Variants in CCDC85C observed in about 807,000 individuals in gnomAD.
CCDC85C encodes the protein coiled-coil domain containing 85C.
In CCDC85C, 18 loss-of-function variants were observed where a neutral mutation model predicts 38.3. The observed-to-expected ratio is 0.47, with a 90% confidence interval of 0.33 to 0.70. The LOEUF (loss-of-function observed/expected upper bound fraction) is 0.70. Ranked by LOEUF, CCDC85C falls within the 30% of genes least tolerant of loss-of-function variation. CCDC85C has a pLI of 0.03. For synonymous variants in CCDC85C, 264 were observed against 293.8 expected, an observed-to-expected ratio of 0.90 and a Z score of 1.04; for missense variants, 566 against 621.2, an observed-to-expected ratio of 0.91 and a Z score of 0.94.
At chr14:99,584,316 T>C (rs1208633093) in intron 1 of CCDC85C, among the ~76,000 whole-genome samples, 1 of 152,186 alleles carries the variant, frequency 6.6e-6, no homozygotes, top group African/African-American at 2.4e-5. Context: ...AGTGATTCTC[T>C]GTACCTCCAC....
Position 99,502,277 on chromosome 14 carries a change from C to T in CCDC85C, c.*12969G>A. ...AGTAGCAGTGATGTATCTCGCAGGA[C>T]GTTTGTGCAAATTTGAAATACAAGA... On this transcript the variant is annotated 3_prime_UTR_variant, in exon 6 of 6. Coordinates refer to ENST00000380243, the MANE Select transcript of CCDC85C (RefSeq NM_001144995.2). The T allele has an allele frequency of 6.2e-7, 1 of 1,610,138 alleles. No homozygotes were observed. The highest frequency in any genetic ancestry group is 1.1e-5 in the South Asian group (1 of 90,054).
At chr14:99,577,917 AGTGTGT>A (rs368902066) in intron 1 of CCDC85C, among the ~76,000 whole-genome samples, 45 of 117,122 alleles carry the variant, frequency 3.8e-4, no homozygotes, top group African/African-American at 9.3e-4. Context: ...ATCCCCCATC[AGTGTGT>A]GTGTGTGTGT....
At chr14:99,540,789 T>A (rs1013118069) in intron 1 of CCDC85C, among the ~76,000 whole-genome samples, 2 of 152,140 alleles carry the variant, frequency 1.3e-5, no homozygotes, top group Non-Finnish European at 2.9e-5. Context: ...TCTTCATGGA[T>A]CCCTTGCTCC....
rs1262586095 is a variant in CCDC85C at position 99,569,389 on chromosome 14, G to A, written c.794-33301C>T. Among the ~76,000 whole-genome samples, 2 of 152,146 alleles carry A rather than the reference G, an allele frequency of 1.3e-5. No individual in the cohort carries two copies. Among genetic ancestry groups the A allele is most frequent in the Non-Finnish European group, 2.9e-5 (2 of 68,020 alleles). ...CGGCTCCACCAGACAGTATTCCAAA[G>A]GGTTCCCTGGATGTCCACACCTGGG... On this transcript the variant is annotated intron_variant, in intron 1 of 5. Transcript: ENST00000380243. This position sits in a 1 kb window ranked among gnomAD's most constrained non-coding sequence, Gnocchi z 4.3.
intron 3 of CCDC85C, among the ~76,000 whole-genome samples, chr14:99,518,630 G>A (rs575438385): frequency 6.6e-6 from 1 of 152,310 alleles, no homozygotes; most frequent in African/African-American, 2.4e-5. Context: ...GGCCCTGGGA[G>A]ACCTGGGCAC....
chr14:99,539,702 G>A (rs1897673683), intron 1 of CCDC85C, among the ~76,000 whole-genome samples: 1 of 152,150 alleles, frequency 6.6e-6, no homozygotes, highest in South Asian at 2.1e-4. Flanking sequence ...AAATATCCAG[G>A]CATTGACGTG....
chr14:99,588,915 C>T lies in CCDC85C; in HGVS notation c.793+14252G>A, dbSNP rs2055054920. 6.6e-6 allele frequency among the ~76,000 whole-genome samples: 1 copy of T among 152,112 alleles called. No homozygotes were observed. The highest frequency in any genetic ancestry group is 2.4e-5 in the African/African-American group (1 of 41,406). On this transcript the variant is annotated intron_variant, in intron 1 of 5. Coordinates refer to ENST00000380243, the MANE Select transcript of CCDC85C (RefSeq NM_001144995.2). This position sits in a 1 kb window ranked among gnomAD's most constrained non-coding sequence, Gnocchi z 5.0. The stretch of plus-strand genomic sequence containing the variant: ...GTCTCCGAGCACCATGGATGTGAAC[C>T]AACTGCTTCACCTCATATGTGGGTA...
rs1412522062 is a variant in CCDC85C, at chr14:99,510,526, C to T, written c.*4720G>A. ...CCTCCTCCCCCAGCCTCCTTCCCCC[C>T]ACCTGCCATCCCACCCCCTACTCCT... On this transcript the variant is annotated 3_prime_UTR_variant, in exon 6 of 6. Coordinates refer to ENST00000380243, the MANE Select transcript of CCDC85C (RefSeq NM_001144995.2). 3 of 553,064 alleles carry T rather than the reference C, an allele frequency of 5.4e-6. No homozygotes were observed. The highest frequency in any genetic ancestry group is 3.0e-5 in the African/African-American group (1 of 33,160). 34.3% of individuals were successfully genotyped at this position (553,064 alleles called of 1,614,324 possible).
At chr14:99,602,766 G>T (rs1361747531) in intron 1 of CCDC85C, among the ~76,000 whole-genome samples, 2 of 152,192 alleles carry the variant, frequency 1.3e-5, no homozygotes, top group African/African-American at 4.8e-5. Context: ...TGCAAGAGGG[G>T]AAATTCACTT....
At chr14:99,574,292 T>A (rs915910489) in intron 1 of CCDC85C, among the ~76,000 whole-genome samples, 1 of 124,342 alleles carries the variant, frequency 8.0e-6, no homozygotes, top group East Asian at 2.7e-4. Flanking sequence ...GCTCCAGGGA[T>A]TTTTTTTTGT....
At chr14:99,591,816 C>A (rs1595106745) in intron 1 of CCDC85C, among the ~76,000 whole-genome samples, 1 of 150,682 alleles carries the variant, frequency 6.6e-6, no homozygotes, top group Non-Finnish European at 1.5e-5. Context: ...CTCACGGCAA[C>A]CTCCACCTCC....
At position 99,558,628 on chromosome 14, in the gene CCDC85C, TAAATAA is replaced by T. The variant is rs1898056041; in HGVS notation, c.794-22546_794-22541del. The stretch of plus-strand genomic sequence containing the variant: ...GAGCGAGACTCTGTCTCAAAAAAAT[TAAATAA>T]AAATAAAAACAATTAATCCAATGAC... On this transcript the variant is annotated intron_variant, in intron 1 of 5. Coordinates refer to ENST00000380243, the MANE Select transcript of CCDC85C (RefSeq NM_001144995.2). The surrounding 1 kb of genome is among the most constrained non-coding windows in gnomAD (Gnocchi z 4.2). Among the ~76,000 whole-genome samples the T allele has an allele frequency of 1.3e-5, 2 of 151,978 alleles. No homozygotes were observed. The highest frequency in any genetic ancestry group is 4.8e-5 in the African/African-American group (2 of 41,354).
rs2055242202 is a variant in CCDC85C, at chr14:99,603,932, C to A, written c.28G>T (p.Ala10Ser). MAKPAATAA[A>S]ASEELSQVPD... ...ACCTGGCTCAGCTCCTCCGACGCCG[C>A]CGCCGCCGTCGCCGCGGGCTTAGCC... The change falls in exon 1 of 6, where the codon GCG becomes TCG. Residue 10 changes from alanine to serine, a missense_variant. Physicochemically the swap from Ala to Ser is moderately conservative, Grantham distance 99 (BLOSUM62 1). This residue lies in a region of CCDC85C where 269 missense variants were observed against 308.2 expected (regional missense o/e 0.87). Transcript: ENST00000380243. The surrounding 1 kb of genome is among the most constrained non-coding windows in gnomAD (Gnocchi z 7.5). 5.7e-6 allele frequency: 8 copies of A among 1,415,326 alleles called. No individual in the cohort carries two copies. The highest frequency in any genetic ancestry group is 6.4e-6 in the Non-Finnish European group (7 of 1,089,936). The allele number at this position is 1,415,326 out of a possible 1,614,324, so 87.7% of individuals were successfully genotyped here. A position where few individuals can be genotyped will look rare whatever the true frequency, so the allele number is the denominator to read the frequency against.
intron 2 of CCDC85C, among the ~76,000 whole-genome samples, chr14:99,526,949 A>G (rs932886944): frequency 3.7e-5 from 5 of 133,910 alleles, no homozygotes; most frequent in Non-Finnish European, 6.7e-5. Flanking sequence ...CCGGCCCCAA[A>G]CTAAAGCCCA....
At chr14:99,557,380 T>C (rs1898032732) in intron 1 of CCDC85C, among the ~76,000 whole-genome samples, 1 of 152,200 alleles carries the variant, frequency 6.6e-6, no homozygotes, top group African/African-American at 2.4e-5. Flanking sequence ...AAGGCCAGCA[T>C]CTGAGGGATG....
intron 1 of CCDC85C, among the ~76,000 whole-genome samples, chr14:99,538,291 G>A (rs1897644996): frequency 6.6e-6 from 1 of 152,182 alleles, no homozygotes; most frequent in African/African-American, 2.4e-5. Flanking sequence ...CAGTGTTTCT[G>A]GCCACCCTGG....
At position 99,517,146 on chromosome 14, in the gene CCDC85C, G is replaced by A. The variant is rs957847302; in HGVS notation, c.1013C>T (p.Pro338Leu). Residue 338 changes from proline (P) to leucine (L), a missense_variant, in exon 4 of 6, where the codon CCC (proline) becomes CTC (leucine). Pro to Leu is a moderately conservative substitution (Grantham distance 98). Coordinates refer to ENST00000380243, the MANE Select transcript of CCDC85C (RefSeq NM_001144995.2). ...TCCTGCAGGGCTGTAGCCAGCAGAG[G>A]GGGGCGAGGGCAGCTCAGGTGCGGG... Reference protein sequence around the residue: ...ACPAPELPSPPSAGYSPAGQK... With the variant: ...ACPAPELPSPLSAGYSPAGQK... The A allele has an allele frequency of 3.2e-6, 5 of 1,550,126 alleles. No homozygotes were observed. In the East Asian group the frequency reaches 7.3e-5, roughly 23 times the overall value.
intron 1 of CCDC85C, among the ~76,000 whole-genome samples, chr14:99,550,482 A>T (rs1897887083): frequency 6.6e-6 from 1 of 152,142 alleles, no homozygotes; most frequent in Non-Finnish European, 1.5e-5. Context: ...CAAGAGAATA[A>T]ATGTGTGTTG....
In CCDC85C at chr14:99,502,037, AGTCG is replaced by A; in HGVS notation, c.*13205_*13208del. On this transcript the variant is annotated 3_prime_UTR_variant, in exon 6 of 6. Coordinates refer to ENST00000380243, the MANE Select transcript of CCDC85C (RefSeq NM_001144995.2). ...TTACTAACTATGGTTAAAGTAACTT[AGTCG>A]GGTACCTTTAGAAGAGTAAAGACTT... is the stretch of plus-strand genomic sequence containing the variant. 1.5e-6 allele frequency: 1 copy of A among 652,626 alleles called. No individual in the cohort carries two copies. Among genetic ancestry groups the A allele is most frequent in the Non-Finnish European group, 2.3e-6 (1 of 430,658 alleles). The allele number at this position is 652,626 out of a possible 1,614,324, so 40.4% of individuals were successfully genotyped here. A position where few individuals can be genotyped will look rare whatever the true frequency, so the allele number is the denominator to read the frequency against.
Sources: gnomAD v4.1 joint callset for allele counts (sites outside exome capture counted in the v4.1 genomes callset) on GRCh38, gnomAD v4.1.1 for gene constraint, gnomAD v4.1.1 regional missense constraint, Gnocchi (gnomAD v3.1) non-coding constraint, MANE v1.5 for transcripts, NCBI Gene and HGNC (gene_info 2026-07-23, HGNC 2026-07-21) for gene names.